Variants in AGK observed in about 807,000 individuals in gnomAD.
AGK encodes the protein acylglycerol kinase, also known as acylglycerol kinase, mitochondrial.
Under a neutral mutation model 66.4 loss-of-function variants are expected in AGK, and 52 were observed. That is an observed-to-expected ratio of 0.78 (90% confidence interval 0.63 to 0.99). AGK has a LOEUF of 0.99. Among genes scored for constraint, AGK ranks in the 50% least tolerant of loss-of-function variants. AGK has a pLI of 0.00. For missense variants in AGK, 451 were observed against 506.6 expected, an observed-to-expected ratio of 0.89 and a Z score of 1.05; for synonymous variants, 182 against 181.1, an observed-to-expected ratio of 1.00 and a Z score of -0.04.
At chr7:141,630,455 ATATT>A (rs1797030742) in intron 9 of AGK, among the ~76,000 whole-genome samples, 1 of 152,224 alleles carries the variant, frequency 6.6e-6, no homozygotes, top group Non-Finnish European at 1.5e-5. Context: ...GAGGTGATGA[ATATT>A]TAATTAGCTT....
At chr7:141,590,321 T>C (rs1796084588) in intron 2 of AGK, among the ~76,000 whole-genome samples, 1 of 152,098 alleles carries the variant, frequency 6.6e-6, no homozygotes, top group Non-Finnish European at 1.5e-5. Context: ...GGGCAGGATA[T>C]AGAGATGGGA....
At chr7:141,553,762 TG>T (rs1306035276) in intron 1 of AGK, among the ~76,000 whole-genome samples, 3 of 152,204 alleles carry the variant, frequency 2.0e-5, no homozygotes, top group Admixed American at 2.0e-4. Flanking sequence ...ATGGTCTCCC[TG>T]GCACTGGCTT....
chr7:141,556,767 A>G (rs1795219088), intron 2 of AGK, among the ~76,000 whole-genome samples: 1 of 152,080 alleles, frequency 6.6e-6, no homozygotes, highest in South Asian at 2.1e-4. Context: ...TTGTTCCTCC[A>G]TCCCCTGTTA....
chr7:141,646,515 G>A (rs1012339087), intron 13 of AGK, among the ~76,000 whole-genome samples: 3 of 152,154 alleles, frequency 2.0e-5, no homozygotes, highest in African/African-American at 7.2e-5. Context: ...CACCTCCAAA[G>A]AACCACAGTT....
Position 141,652,961 on chromosome 7 carries a change from G to T in AGK, c.*37G>T. On this transcript the variant is annotated 3_prime_UTR_variant, in exon 16 of 16. Coordinates refer to ENST00000649286, the MANE Select transcript of AGK (RefSeq NM_018238.4). ...CAAGCACTCTGAGACCACACTTTAG[G>T]CCACCGGTGGGACCAAAAGGGAACA... The T allele has an allele frequency of 6.2e-7, 1 of 1,611,158 alleles. No individual in the cohort carries two copies. Among genetic ancestry groups the T allele is most frequent in the Non-Finnish European group, 8.5e-7 (1 of 1,178,916 alleles).
chr7:141,558,288 G>A (rs1041663144), intron 2 of AGK, among the ~76,000 whole-genome samples: 3 of 151,574 alleles, frequency 2.0e-5, no homozygotes, highest in African/African-American at 7.3e-5. Flanking sequence ...CTCCCAAGCA[G>A]CTGGGACTAC....
intron 2 of AGK, among the ~76,000 whole-genome samples, chr7:141,572,530 G>A (rs987514011): frequency 3.3e-5 from 5 of 152,146 alleles, no homozygotes; most frequent in South Asian, 2.1e-4. Flanking sequence ...CACCTGTTTG[G>A]CAGGTTAGTT....
chr7:141,586,079 A>G (rs1005085316), intron 2 of AGK, among the ~76,000 whole-genome samples: 2 of 151,936 alleles, frequency 1.3e-5, no homozygotes, highest in Non-Finnish European at 2.9e-5. Context: ...GTAATCTGGA[A>G]TTTTCTGATG....
At chr7:141,616,835 T>C (rs1357353269) in intron 8 of AGK, among the ~76,000 whole-genome samples, 12 of 151,244 alleles carry the variant, frequency 7.9e-5, no homozygotes, top group Non-Finnish European at 2.9e-5. Context: ...CTCGGCTCAC[T>C]GCAAGCTCCG....
intron 11 of AGK, 143 bp downstream of exon 11, chr7:141,637,160 T>C: frequency 1.5e-6 from 1 of 647,048 alleles, no homozygotes. Context: ...TTTGATTAAA[T>C]ACAAATATAG....
intron 5 of AGK, among the ~76,000 whole-genome samples, chr7:141,604,181 G>A (rs1045947197): frequency 8.6e-5 from 13 of 151,446 alleles, no homozygotes; most frequent in Non-Finnish European, 1.0e-4. Flanking sequence ...TCTTTACAGG[G>A]TTTGTTTTCT....
intron 5 of AGK, among the ~76,000 whole-genome samples, chr7:141,604,047 T>C (rs1456922452): frequency 6.6e-6 from 1 of 152,124 alleles, no homozygotes; most frequent in Non-Finnish European, 1.5e-5. Flanking sequence ...AAGATACTTA[T>C]CAATTATATG....
chr7:141,629,659 G>T (rs1797013811), intron 9 of AGK, among the ~76,000 whole-genome samples: 1 of 152,048 alleles, frequency 6.6e-6, no homozygotes, highest in Non-Finnish European at 1.5e-5. Flanking sequence ...CTGCCTTGCT[G>T]GCTCATTTCC....
intron 5 of AGK, among the ~76,000 whole-genome samples, chr7:141,604,098 T>C (rs1341176922): frequency 6.6e-6 from 1 of 151,994 alleles, no homozygotes; most frequent in African/African-American, 2.4e-5. Flanking sequence ...AAAATAGACA[T>C]TTAGAAGGAT....
At chr7:141,553,217 A>G (rs1461387831) in intron 1 of AGK, among the ~76,000 whole-genome samples, 1 of 152,184 alleles carries the variant, frequency 6.6e-6, no homozygotes, top group Non-Finnish European at 1.5e-5. Flanking sequence ...AAGGACACTA[A>G]TCCCTTTCAT....
Position 141,654,940 on chromosome 7 carries a change from G to C in AGK, c.*2016G>C, listed in dbSNP as rs1438386512. ...TTCTGCTTTTGGCAAAAACATAACA[G>C]ACGGTTCCAAACATCAGCATAAAGA... On this transcript the variant is annotated 3_prime_UTR_variant, in exon 16 of 16. Coordinates refer to ENST00000649286, the MANE Select transcript of AGK (RefSeq NM_018238.4). 2 of 152,158 alleles carry C rather than the reference G, an allele frequency of 1.3e-5. No individual in the cohort carries two copies. The highest frequency in any genetic ancestry group is 2.9e-5 in the Non-Finnish European group (2 of 68,044). 9.4% of individuals were successfully genotyped at this position (152,158 alleles called of 1,614,324 possible).
At chr7:141,587,864 C>T (rs1046552028) in intron 2 of AGK, among the ~76,000 whole-genome samples, 3 of 152,216 alleles carry the variant, frequency 2.0e-5, no homozygotes, top group African/African-American at 7.2e-5. Context: ...GTCCAAGACA[C>T]CCAGCACAGT....
At chr7:141,630,534 A>G (rs530394307) in intron 9 of AGK, among the ~76,000 whole-genome samples, 2 of 152,162 alleles carry the variant, frequency 1.3e-5, no homozygotes, top group South Asian at 4.1e-4. Context: ...TGATTTATCA[A>G]TTAAAAATAA....
chr7:141,626,242 C>T (rs1160101775), intron 9 of AGK, among the ~76,000 whole-genome samples: 3 of 152,168 alleles, frequency 2.0e-5, no homozygotes, highest in South Asian at 2.1e-4. Flanking sequence ...CAAAGAACAA[C>T]AATGATGGAT....
Sources: gnomAD v4.1 joint callset for allele counts (sites outside exome capture counted in the v4.1 genomes callset) on GRCh38, gnomAD v4.1.1 for gene constraint, MANE v1.5 for transcripts, NCBI Gene and HGNC (gene_info 2026-07-23, HGNC 2026-07-21) for gene names.